Variants in TENT2 observed in about 807,000 individuals in gnomAD.
The protein encoded by TENT2 is terminal nucleotidyltransferase 2.
A neutral mutation model predicts 72.2 loss-of-function variants in TENT2; 44 were observed. That is an observed-to-expected ratio of 0.61 (90% CI 0.48 to 0.78). TENT2 has a LOEUF of 0.78. TENT2 is among the 30% of genes least tolerant of loss of function. The pLI is 0.00. For synonymous variants in TENT2, 212 were observed against 192.5 expected, an observed-to-expected ratio of 1.10 and a Z score of -0.84; for missense variants, 541 against 569.6, an observed-to-expected ratio of 0.95 and a Z score of 0.51.
At chr5:79,616,475 G>T (rs745324313) in intron 1 of TENT2, among the ~76,000 whole-genome samples, 1 of 151,576 alleles carries the variant, frequency 6.6e-6, no homozygotes, top group Non-Finnish European at 1.5e-5. Context: ...GATTATAGGC[G>T]TGCAGCCTAA....
At chr5:79,676,601 A>G (rs933398333) in intron 12 of TENT2, among the ~76,000 whole-genome samples, 1 of 152,184 alleles carries the variant, frequency 6.6e-6, no homozygotes, top group African/African-American at 2.4e-5. Context: ...ATAAATAAAA[A>G]GAATGGCTAA....
chr5:79,614,558 A>T (rs1344645325), intron 1 of TENT2, among the ~76,000 whole-genome samples: 2 of 152,200 alleles, frequency 1.3e-5, no homozygotes. Context: ...GATAACTTTT[A>T]AGGTAAGGAA....
intron 11 of TENT2, among the ~76,000 whole-genome samples, chr5:79,664,723 A>G (rs142599403): frequency 5.1e-4 from 77 of 152,294 alleles, no homozygotes; most frequent in African/African-American, 1.8e-3. Flanking sequence ...GAAATAATAC[A>G]TGAAAATTTT....
At chr5:79,663,279 A>T (rs145534514) in intron 11 of TENT2, among the ~76,000 whole-genome samples, 1,861 of 152,322 alleles carry the variant, frequency 0.012, 26 homozygotes, top group Non-Finnish European at 0.016. Flanking sequence ...TTTATCATTG[A>T]TGCGTTCACT....
chr5:79,671,011 G>T (rs1172040565), intron 12 of TENT2, among the ~76,000 whole-genome samples: 1 of 151,356 alleles, frequency 6.6e-6, no homozygotes, highest in East Asian at 1.9e-4. Context: ...TTGTGGAGGG[G>T]GAAAAGGATT....
At chr5:79,644,242 A>G (rs1786910685) in intron 7 of TENT2, among the ~76,000 whole-genome samples, 1 of 152,184 alleles carries the variant, frequency 6.6e-6, no homozygotes, top group Non-Finnish European at 1.5e-5. Context: ...TTGGCCTCCC[A>G]AAGTGCTAGG....
intron 1 of TENT2, among the ~76,000 whole-genome samples, chr5:79,616,766 C>A (rs1305567952): frequency 6.6e-6 from 1 of 152,148 alleles, no homozygotes; most frequent in Non-Finnish European, 1.5e-5. Context: ...ACATAAGGGT[C>A]TGCTAAAGAA....
intron 1 of TENT2, among the ~76,000 whole-genome samples, chr5:79,618,965 A>T (rs1762616994): frequency 1.3e-5 from 2 of 152,184 alleles, no homozygotes; most frequent in South Asian, 4.2e-4. Flanking sequence ...TTATTACTTT[A>T]TCCTATCCTT....
At chr5:79,657,822 G>A (rs1157717910) in intron 11 of TENT2, among the ~76,000 whole-genome samples, 1 of 151,958 alleles carries the variant, frequency 6.6e-6, no homozygotes. Flanking sequence ...TTACATATTG[G>A]TTTCATATAC....
intron 1 of TENT2, among the ~76,000 whole-genome samples, chr5:79,615,772 C>G (rs1481678651): frequency 1.3e-5 from 2 of 151,600 alleles, no homozygotes; most frequent in Non-Finnish European, 2.9e-5. Flanking sequence ...TGCAGTGGCA[C>G]AGTCTCCTCG....
intron 10 of TENT2, 38 bp from the exon 11 acceptor site, chr5:79,656,920 C>T (rs201852058): frequency 1.2e-5 from 19 of 1,526,332 alleles, no homozygotes; most frequent in Admixed American, 5.3e-5. Flanking sequence ...AAATGAGTCA[C>T]GTGAATCACG....
chr5:79,616,182 C>T (rs550343231), intron 1 of TENT2, among the ~76,000 whole-genome samples: 5 of 147,076 alleles, frequency 3.4e-5, no homozygotes, highest in South Asian at 4.3e-4. Context: ...CCATTGCACC[C>T]GGCCTAATTT....
At chr5:79,624,063 A>G (rs368415550) in intron 4 of TENT2, among the ~76,000 whole-genome samples, 165 of 152,336 alleles carry the variant, frequency 1.1e-3, no homozygotes, top group African/African-American at 3.7e-3. Flanking sequence ...CTAATAATAG[A>G]AACATATCTC....
intron 4 of TENT2, 50 bp downstream of exon 4, chr5:79,623,539 T>G: frequency 7.9e-7 from 1 of 1,273,682 alleles, no homozygotes; most frequent in Non-Finnish European, 1.1e-6. Flanking sequence ...TTAGTATAAA[T>G]AATGTATTAA....
intron 3 of TENT2, among the ~76,000 whole-genome samples, chr5:79,622,978 GA>G (rs950505867): frequency 3.3e-5 from 5 of 152,058 alleles, no homozygotes; most frequent in African/African-American, 1.2e-4. Flanking sequence ...CTACTGAGAT[GA>G]AACATTGGGG....
intron 1 of TENT2, among the ~76,000 whole-genome samples, chr5:79,616,339 C>T (rs1297792988): frequency 6.6e-6 from 1 of 151,912 alleles, no homozygotes; most frequent in Non-Finnish European, 1.5e-5. Context: ...GCTGGGATTA[C>T]AGGCATGTGC....
At chr5:79,666,870 C>T (rs1023158118) in intron 11 of TENT2, among the ~76,000 whole-genome samples, 3 of 152,158 alleles carry the variant, frequency 2.0e-5, no homozygotes, top group African/African-American at 7.2e-5. Context: ...CCATGCCTGG[C>T]TTAGGGGATT....
intron 4 of TENT2, among the ~76,000 whole-genome samples, chr5:79,625,868 C>T (rs1293365741): frequency 2.0e-5 from 3 of 151,668 alleles, no homozygotes; most frequent in Admixed American, 1.3e-4. Context: ...CTAGCTCTGC[C>T]GCCCAGGCTG....
At chr5:79,668,734 G>A (rs1450268364) in intron 11 of TENT2, 158 bp from the exon 12 acceptor site, 2 of 694,952 alleles carry the variant, frequency 2.9e-6, no homozygotes, top group African/African-American at 3.6e-5. Flanking sequence ...AAATACTGGT[G>A]AAGTCTTTAG....
Sources: allele counts gnomAD v4.1 joint callset (sites outside exome capture counted in the v4.1 genomes callset), GRCh38; gene constraint gnomAD v4.1.1; transcripts MANE v1.5; gene names NCBI Gene and HGNC (gene_info 2026-07-23, HGNC 2026-07-21).